The following NUTM1 variants were observed in gnomAD, a reference collection of about 807,000 sequenced individuals.
NUTM1 encodes NUT midline carcinoma family member 1.
Under a neutral mutation model 88.7 loss-of-function variants are expected in NUTM1, and 39 were observed. That is an observed-to-expected ratio of 0.44 (90% CI 0.34 to 0.57). The LOEUF (loss-of-function observed/expected upper bound fraction) is 0.57, where lower values mean the gene tolerates loss of function less well. NUTM1 is among the 20% of genes least tolerant of loss of function. The pLI, the probability that NUTM1 is intolerant of heterozygous loss-of-function variation, is 0.01. For synonymous variants in NUTM1, 494 were observed against 538.0 expected (o/e 0.92, Z 1.13); for missense variants, 1,350 against 1,414.5 (o/e 0.95, Z 0.73).
intron 5 of NUTM1, 57 bp downstream of exon 5, chr15:34,353,929 C>A: frequency 3.2e-6 from 5 of 1,582,742 alleles, no homozygotes; most frequent in Non-Finnish European, 4.3e-6. Flanking sequence ...GGGATGCATA[C>A]AGAAGCCAGT....
chr15:34,356,232 G>C lies in NUTM1; in HGVS notation c.2224G>C (p.Asp742His), dbSNP rs1243748445. Residue 742 changes from aspartate to histidine, a missense_variant, in exon 8 of 8, where the codon GAC (aspartate) becomes CAC (histidine). Physicochemically the swap from Asp to His is moderately conservative, Grantham distance 81 (BLOSUM62 -1). Coordinates refer to ENST00000537011, the MANE Select transcript of NUTM1 (RefSeq NM_001284292.2). ...NPSPRAAGER[D>H]DVCLSPGVWL... ...TTCCCCTAGAGCAGCTGGGGAGAGG[G>C]ACGATGTCTGTCTCAGCCCAGGAGT... The C allele has an allele frequency of 6.2e-7, 1 of 1,607,038 alleles. No individual in the cohort carries two copies. Among genetic ancestry groups the C allele is most frequent in the South Asian group, 1.1e-5 (1 of 90,518 alleles).
chr15:34,351,381 CAA>C (rs541718460), intron 4 of NUTM1, among the ~76,000 whole-genome samples: 9 of 80,936 alleles, frequency 1.1e-4, no homozygotes, highest in Admixed American at 1.3e-4. Flanking sequence ...GACCTCATCA[CAA>C]AAAAAAAAAA....
Position 34,356,586 on chromosome 15 carries a change from C to A in NUTM1, c.2578C>A (p.Pro860Thr). 3 of 1,613,982 alleles carry A rather than the reference C, an allele frequency of 1.9e-6. No homozygotes were observed. The highest frequency in any genetic ancestry group is 2.5e-6 in the Non-Finnish European group (3 of 1,179,994). Residue 860 changes from proline to threonine, a missense_variant, in exon 8 of 8, where the codon CCC becomes ACC. Transcript: ENST00000537011. The part of the protein sequence containing the change: ...QEQSCETVGH[P>T]SDLWAEGCFP... ...ACAGAGCTGTGAAACCGTAGGGCATCCCAGTGATCTGTGGGCAGAAGGTTG... is the reference window on the plus strand; with the variant it reads ...ACAGAGCTGTGAAACCGTAGGGCATACCAGTGATCTGTGGGCAGAAGGTTG...
chr15:34,356,552 A>C lies in NUTM1; in HGVS notation c.2544A>C (p.Glu848Asp). The change falls in exon 8 of 8, where the codon GAA becomes GAC. Residue 848 changes from glutamate to aspartate, a missense_variant. Physicochemically the swap from Glu to Asp is conservative, Grantham distance 45. Around this residue, in one of 5 missense-constraint regions of NUTM1, gnomAD observed 730 missense variants for 728.8 expected, o/e 1.00. Coordinates refer to ENST00000537011, the MANE Select transcript of NUTM1 (RefSeq NM_001284292.2). ...RANSPPLRSK[E>D]NQEQSCETVG... ...ACAGCCCACCCTTGAGGTCCAAAGAAAATCAAGAACAGAGCTGTGAAACCG... is the reference window on the plus strand; with the variant it reads ...ACAGCCCACCCTTGAGGTCCAAAGACAATCAAGAACAGAGCTGTGAAACCG... 6.2e-7 allele frequency: 1 copy of C among 1,614,018 alleles called. No individual in the cohort carries two copies. The highest frequency in any genetic ancestry group is 1.6e-4 in the Middle Eastern group (1 of 6,062).
At chr15:34,347,129 G>C (rs12232295) in intron 2 of NUTM1, among the ~76,000 whole-genome samples, 2 of 151,908 alleles carry the variant, frequency 1.3e-5, no homozygotes, top group African/African-American at 4.8e-5. Context: ...GTCTAAAGAA[G>C]AACTCAGATG....
At chr15:34,352,247 C>T in intron 4 of NUTM1, among the ~76,000 whole-genome samples, 1 of 152,184 alleles carries the variant, frequency 6.6e-6, no homozygotes, top group East Asian at 1.9e-4. Context: ...TTACTCCCTC[C>T]CAAAACCTTT....
chr15:34,347,175 T>G (rs12438544), intron 2 of NUTM1, among the ~76,000 whole-genome samples: 27,503 of 151,820 alleles, frequency 0.18, 2,754 homozygotes, highest in East Asian at 0.27. Context: ...CTCTGCACTT[T>G]GGAAGGCTGA....
chr15:34,343,811 T>G, intron 1 of NUTM1, 109 bp downstream of exon 1: 1 of 928,968 alleles, frequency 1.1e-6, no homozygotes. Flanking sequence ...GAAATGAAAA[T>G]GAGAACCAAA....
chr15:34,344,502 C>CAAA (rs780145688), intron 1 of NUTM1, among the ~76,000 whole-genome samples: 22 of 85,660 alleles, frequency 2.6e-4, no homozygotes, highest in African/African-American at 4.0e-4. Flanking sequence ...GATCCTGTCT[C>CAAA]AAAAAAAAAA....
chr15:34,346,881 T>TAAAAAAAAAAAAAAAAA lies in NUTM1; in HGVS notation c.100+856_100+872dup, dbSNP rs10671676. ...ATGGGCCACAGAGCAAGACTCCATC[T>TAAAAAAAAAAAAAAAAA]AAAAAAAAAAAAAAAAAAAAAAAAA... is the stretch of plus-strand genomic sequence containing the variant. On this transcript the variant is annotated intron_variant, in intron 2 of 7. Coordinates refer to ENST00000537011, the MANE Select transcript of NUTM1 (RefSeq NM_001284292.2). Among the ~76,000 whole-genome samples the TAAAAAAAAAAAAAAAAA allele has an allele frequency of 1.2e-4, 4 of 34,326 alleles. 2 individuals are homozygous for TAAAAAAAAAAAAAAAAA. Among genetic ancestry groups the TAAAAAAAAAAAAAAAAA allele is most frequent in the Non-Finnish European group, 1.9e-4 (4 of 20,752 alleles). 22.5% of individuals were successfully genotyped at this position (34,326 alleles called of 152,430 possible).
In NUTM1 at chr15:34,347,976, A is replaced by G. The variant is rs139324034; in HGVS notation, c.108A>G (p.Ala36=). 11 of 1,605,586 alleles carry G rather than the reference A, an allele frequency of 6.9e-6. No individual in the cohort carries two copies. In the African/African-American group the frequency reaches 1.1e-4, roughly 16 times the overall value. ...TTTTCTTTGTCTCAACAGCATCTGCATTGCCGGGACCGGATATGAGCATGA... is the reference window on the plus strand; with the variant it reads ...TTTTCTTTGTCTCAACAGCATCTGCGTTGCCGGGACCGGATATGAGCATGA... ...PERMASDGAS[A]LPGPDMSMKP... is the part of the protein sequence containing the mutation. Residue 36 remains alanine, a synonymous_variant, in exon 3 of 8, where the codon GCA becomes GCG. Coordinates refer to ENST00000537011, the MANE Select transcript of NUTM1 (RefSeq NM_001284292.2).
intron 4 of NUTM1, among the ~76,000 whole-genome samples, chr15:34,351,501 C>T (rs933459110): frequency 6.6e-6 from 1 of 151,986 alleles, no homozygotes; most frequent in South Asian, 2.1e-4. Context: ...GTTTTTCTAT[C>T]CTGTTTCCTC....
At chr15:34,347,447 A>G (rs1054319088) in intron 2 of NUTM1, among the ~76,000 whole-genome samples, 2 of 152,032 alleles carry the variant, frequency 1.3e-5, no homozygotes, top group Admixed American at 6.6e-5. Context: ...TAATGGAGAC[A>G]GGGTTTTGCC....
At chr15:34,344,682 G>C (rs371366668) in intron 1 of NUTM1, among the ~76,000 whole-genome samples, 3 of 152,198 alleles carry the variant, frequency 2.0e-5, no homozygotes, top group South Asian at 2.1e-4. Flanking sequence ...TTATTACGCA[G>C]TTTGATTTTT....
intron 5 of NUTM1, 106 bp downstream of exon 5, chr15:34,353,978 T>C: frequency 2.3e-6 from 3 of 1,300,644 alleles, no homozygotes; most frequent in Non-Finnish European, 3.2e-6. Flanking sequence ...TCTGCCACTT[T>C]CCCTCTGGAG....
chr15:34,344,862 C>CA (rs1890557602), intron 1 of NUTM1, among the ~76,000 whole-genome samples: 3 of 151,616 alleles, frequency 2.0e-5, no homozygotes, highest in East Asian at 1.9e-4. Context: ...ACTAAAAATA[C>CA]AAAAAATTAG....
In NUTM1 at chr15:34,343,477, T is replaced by G; in HGVS notation, c.-220T>G. 3.8e-6 allele frequency: 4 copies of G among 1,066,308 alleles called. No homozygotes were observed. Among genetic ancestry groups the G allele is most frequent in the Non-Finnish European group, 5.3e-6 (4 of 755,500 alleles). The allele number at this position is 1,066,308 out of a possible 1,614,324, so 66.1% of individuals were successfully genotyped here. On this transcript the variant is annotated 5_prime_UTR_variant, in exon 1 of 8. An upstream open reading frame in the 5' UTR gains an earlier in-frame stop. Coordinates refer to ENST00000537011, the MANE Select transcript of NUTM1 (RefSeq NM_001284292.2). Reference sequence around the variant, plus strand: ...AGGGCTCCAGGATTCAGAGCCCCTTTACCCTAGGGAAGAAAGAAGAGGTTT... The same window carrying G: ...AGGGCTCCAGGATTCAGAGCCCCTTGACCCTAGGGAAGAAAGAAGAGGTTT...
intron 3 of NUTM1, among the ~76,000 whole-genome samples, chr15:34,348,928 T>C (rs1890658939): frequency 6.6e-6 from 1 of 152,232 alleles, no homozygotes; most frequent in African/African-American, 2.4e-5. Context: ...CAAGCCTTCC[T>C]CTGGTAATCT....
intron 3 of NUTM1, 59 bp downstream of exon 3, chr15:34,348,736 G>C (rs1239128678): frequency 6.4e-6 from 8 of 1,257,982 alleles, no homozygotes; most frequent in Non-Finnish European, 7.9e-6. Context: ...AGGACTTTGG[G>C]GTGAACATAG....
Sources: allele counts gnomAD v4.1 joint callset (sites outside exome capture counted in the v4.1 genomes callset), GRCh38; gene constraint gnomAD v4.1.1; regional missense constraint gnomAD v4.1.1; transcripts MANE v1.5; gene names NCBI Gene and HGNC (gene_info 2026-07-23, HGNC 2026-07-21).